The following GPATCH2L variants were observed in gnomAD, a reference collection of about 807,000 sequenced individuals.
GPATCH2L encodes G-patch domain containing 2 like.
In GPATCH2L, 31 loss-of-function variants were observed where a neutral mutation model predicts 57.4. The observed-to-expected ratio is 0.54, with a 90% CI of 0.41 to 0.73. The LOEUF (loss-of-function observed/expected upper bound fraction) is 0.73. Ranked by LOEUF, GPATCH2L falls within the 30% of genes least tolerant of loss-of-function variation. The pLI, the probability that GPATCH2L is intolerant of heterozygous loss-of-function variation, is 0.00. For synonymous variants in GPATCH2L, 199 were observed against 210.7 expected (o/e 0.94, Z 0.48); for missense variants, 481 against 599.9 (o/e 0.80, Z 2.07).
At chr14:76,160,627 T>TA (rs2038539031) in intron 2 of GPATCH2L, among the ~76,000 whole-genome samples, 1 of 152,146 alleles carries the variant, frequency 6.6e-6, no homozygotes, top group Non-Finnish European at 1.5e-5. Context: ...ACGGAGATTT[T>TA]AAAAAAATAT....
At chr14:76,233,249 G>C (rs752828879) in intron 2 of GPATCH2L, among the ~76,000 whole-genome samples, 1 of 152,162 alleles carries the variant, frequency 6.6e-6, no homozygotes, top group Non-Finnish European at 1.5e-5. Context: ...CCCAAGACGA[G>C]ACCAATTTGT....
At chr14:76,173,274 G>T (rs911100683) in intron 4 of GPATCH2L, among the ~76,000 whole-genome samples, 19 of 151,888 alleles carry the variant, frequency 1.3e-4, no homozygotes, top group Admixed American at 6.6e-5. Context: ...TATTTCATTG[G>T]GTCTTCAAAA....
chr14:76,215,137 T>C (rs2040481283), downstream of GPATCH2L, among the ~76,000 whole-genome samples: 1 of 152,060 alleles, frequency 6.6e-6, no homozygotes, highest in Admixed American at 6.5e-5. Flanking sequence ...ATGACAGACA[T>C]TTATGCAGCC....
At chr14:76,177,703 TTTTGTTTTTG>T (rs1314977812) in intron 6 of GPATCH2L, among the ~76,000 whole-genome samples, 1 of 142,862 alleles carries the variant, frequency 7.0e-6, no homozygotes, top group Non-Finnish European at 1.5e-5. Flanking sequence ...AGAGGTTTTT[TTTTGTTTTTG>T]TTTTTGCAAA....
chr14:76,178,295 G>A lies in GPATCH2L; in HGVS notation c.1107+253G>A, dbSNP rs1434529096. 11 of 1,405,338 alleles carry A rather than the reference G, an allele frequency of 7.8e-6. No individual in the cohort carries two copies. The East Asian group carries it at 3.6e-4, about 46-fold the overall frequency. The allele number at this position is 1,405,338 out of a possible 1,614,324, so 87.1% of individuals were successfully genotyped here. On this transcript the variant is annotated intron_variant, in intron 7 of 9. Coordinates refer to ENST00000261530, the MANE Select transcript of GPATCH2L (RefSeq NM_017926.4). ...AGAATCCTGCGTTGAGAAGTACTAT[G>A]TTGAAGCCTAAACGTATGGAGCAGA...
rs1157117268 is a variant in GPATCH2L at position 76,201,882 on chromosome 14, T to A, written c.*31T>A. 2.5e-6 allele frequency: 4 copies of A among 1,590,884 alleles called. No individual in the cohort carries two copies. The Admixed American group carries it at 7.0e-5, about 28-fold the overall frequency. On this transcript the variant is annotated 3_prime_UTR_variant, in exon 10 of 10. Transcript: ENST00000261530. ...AGGACTTCACCCTCCAGGAGCTGACTGGGTGTTGCTGAAGCAAATGTTGGA... is the reference window on the plus strand; with the variant it reads ...AGGACTTCACCCTCCAGGAGCTGACAGGGTGTTGCTGAAGCAAATGTTGGA...
chr14:76,227,190 C>T (rs186423704), intron 1 of GPATCH2L, among the ~76,000 whole-genome samples: 11 of 152,336 alleles, frequency 7.2e-5, no homozygotes, highest in Admixed American at 2.0e-4. Context: ...ATATTCTCCA[C>T]GTTGTTTGAA....
rs1365553535 is a variant in GPATCH2L at position 76,209,897 on chromosome 14, G to A, written c.*8046G>A. 6.6e-6 allele frequency: 1 copy of A among 152,184 alleles called. No homozygotes were observed. Among genetic ancestry groups the A allele is most frequent in the Non-Finnish European group, 1.5e-5 (1 of 68,036 alleles). The allele number at this position is 152,184 out of a possible 1,614,324, so 9.4% of individuals were successfully genotyped here. On this transcript the variant is annotated 3_prime_UTR_variant, in exon 10 of 10. Coordinates refer to ENST00000261530, the MANE Select transcript of GPATCH2L (RefSeq NM_017926.4). ...GTCCTGGCTAGGAAGTCAGAATGAG[G>A]TTATCTGGAAAGTTGAGCTTCCTCA...
At chr14:76,175,246 G>A (rs11627986) in intron 5 of GPATCH2L, 31,123 of 151,970 alleles carry the variant, frequency 0.2, 3,496 homozygotes, top group African/African-American at 0.3. Flanking sequence ...CTGGAAGGGA[G>A]TGAGGGCCTG....
downstream of GPATCH2L, among the ~76,000 whole-genome samples, chr14:76,215,164 A>T (rs990117628): frequency 2.0e-5 from 3 of 152,186 alleles, no homozygotes; most frequent in Admixed American, 1.3e-4. Flanking sequence ...CACATGAAAA[A>T]ATGCTCATCA....
chr14:76,235,090 C>T (rs954921172), intron 2 of GPATCH2L, among the ~76,000 whole-genome samples: 9 of 151,750 alleles, frequency 5.9e-5, no homozygotes, highest in African/African-American at 2.2e-4. Context: ...ATTGCTTGAA[C>T]CCAGGAGGCG....
At chr14:76,232,304 G>T (rs1034613630) in intron 2 of GPATCH2L, among the ~76,000 whole-genome samples, 1 of 152,050 alleles carries the variant, frequency 6.6e-6, no homozygotes, top group Non-Finnish European at 1.5e-5. Flanking sequence ...TTGTTCCCAG[G>T]CTTTTTTTTT....
Position 76,154,616 on chromosome 14 carries a change from T to C in GPATCH2L, c.253T>C (p.Phe85Leu). 3 of 1,614,182 alleles carry C rather than the reference T, an allele frequency of 1.9e-6. No individual in the cohort carries two copies. The highest frequency in any genetic ancestry group is 2.5e-6 in the Non-Finnish European group (3 of 1,180,036). ...DCREVAPVTNFSDSDDTMVAK... is the reference protein window; with the variant it reads ...DCREVAPVTNLSDSDDTMVAK... The stretch of plus-strand genomic sequence containing the variant: ...TCGAGAAGTGGCTCCGGTGACCAAT[T>C]TTAGTGACTCTGATGACACAATGGT... The change falls in exon 2 of 10, where the codon TTT becomes CTT. Residue 85 changes from phenylalanine (F) to leucine (L), a missense_variant. Phe to Leu is a conservative substitution (Grantham distance 22). Around this residue, in one of 3 missense-constraint regions of GPATCH2L, gnomAD observed 208 missense variants for 272.4 expected, o/e 0.76. Coordinates refer to ENST00000261530, the MANE Select transcript of GPATCH2L (RefSeq NM_017926.4). The surrounding 1 kb of genome is among the most constrained non-coding windows in gnomAD (Gnocchi z 4.4).
rs527845016 is a variant in GPATCH2L at position 76,208,110 on chromosome 14, A to G, written c.*6259A>G. 2.4e-4 allele frequency: 37 copies of G among 152,336 alleles called. No individual in the cohort carries two copies. Among genetic ancestry groups the G allele is most frequent in the African/African-American group, 7.9e-4 (33 of 41,570 alleles). The allele number at this position is 152,336 out of a possible 1,614,324, so 9.4% of individuals were successfully genotyped here. Reference sequence around the variant, plus strand: ...TCTGGCCAAAAATGTTAGTGTTACTAGATATTATCAAGGTGTGAGACTAAA... The same window carrying G: ...TCTGGCCAAAAATGTTAGTGTTACTGGATATTATCAAGGTGTGAGACTAAA... On this transcript the variant is annotated 3_prime_UTR_variant, in exon 10 of 10. Coordinates refer to ENST00000261530, the MANE Select transcript of GPATCH2L (RefSeq NM_017926.4).
Position 76,223,587 on chromosome 14 carries a change from T to C in GPATCH2L, c.66-6221T>C, listed in dbSNP as rs563179100. The stretch of plus-strand genomic sequence containing the variant: ...TGAAGAAAAAATAGATAAATAAGCC[T>C]TTATCAAAATTTAAAATTTTTTGCT... On this transcript the variant is annotated intron_variant and NMD_transcript_variant, in intron 1 of 3. Coordinates refer to the GPATCH2L transcript ENST00000556372. 3.1e-4 allele frequency among the ~76,000 whole-genome samples: 47 copies of C among 152,252 alleles called. No individual in the cohort carries two copies. In the South Asian group the frequency reaches 6.6e-3, roughly 21 times the overall value.
At chr14:76,196,730 TA>T (rs2040166322) in intron 9 of GPATCH2L, 2 of 152,292 alleles carry the variant, frequency 1.3e-5, no homozygotes, top group African/African-American at 4.8e-5. Flanking sequence ...ATATTGAATA[TA>T]CCATTGAATA....
chr14:76,190,869 T>A (rs2039938427), intron 8 of GPATCH2L, among the ~76,000 whole-genome samples: 2 of 152,158 alleles, frequency 1.3e-5, no homozygotes, highest in South Asian at 4.1e-4. Context: ...TAAAAGCTCC[T>A]TATATAATTC....
At chr14:76,177,868 C>T in intron 6 of GPATCH2L, 120 bp from the exon 7 acceptor site, 1 of 1,490,728 alleles carries the variant, frequency 6.7e-7, no homozygotes, top group Non-Finnish European at 9.3e-7. Flanking sequence ...GTTTTCTTTC[C>T]TGTTATTCTC....
intron 8 of GPATCH2L, among the ~76,000 whole-genome samples, chr14:76,191,404 G>A (rs546701258): frequency 6.6e-6 from 1 of 152,096 alleles, no homozygotes; most frequent in South Asian, 2.1e-4. Context: ...TTGTCAATAG[G>A]AAGCCGAAGC....
Sources: allele counts gnomAD v4.1 joint callset (sites outside exome capture counted in the v4.1 genomes callset), GRCh38; gene constraint gnomAD v4.1.1; regional missense constraint gnomAD v4.1.1; non-coding constraint Gnocchi (gnomAD v3.1); transcripts MANE v1.5; gene names NCBI Gene and HGNC (gene_info 2026-07-23, HGNC 2026-07-21).